The following AKR1C3 variants were observed in gnomAD, a reference collection of about 807,000 sequenced individuals.
AKR1C3 encodes aldo-keto reductase family 1 member C3, also known as 3-alpha hydroxysteroid dehydrogenase, type II.
AKR1C3 carries 48 observed loss-of-function variants against 43.6 expected under a neutral mutation model. The observed-to-expected ratio is 1.10, with a 90% CI of 0.87 to 1.40. The LOEUF (loss-of-function observed/expected upper bound fraction) is 1.40. Ranked by LOEUF, AKR1C3 falls within the 40% of genes most tolerant of loss-of-function variation. The pLI is 0.00. For missense variants in AKR1C3, 482 were observed against 391.2 expected (o/e 1.23, Z -1.96); for synonymous variants, 162 against 139.6 (o/e 1.16, Z -1.13).
upstream of AKR1C3, chr10:5,094,005 G>A (rs1272219267): frequency 6.6e-6 from 1 of 152,420 alleles, no homozygotes; most frequent in East Asian, 1.9e-4. Flanking sequence ...GTATGTGAGA[G>A]AAAGACGTAA....
At chr10:5,066,593 A>C (rs532372586) in intron 1 of AKR1C3, among the ~76,000 whole-genome samples, 10 of 152,306 alleles carry the variant, frequency 6.6e-5, no homozygotes, top group African/African-American at 2.4e-4. Context: ...GACTATTGGG[A>C]GCATAATACC....
chr10:5,057,497 A>G (rs1826693210), intron 1 of AKR1C3, among the ~76,000 whole-genome samples: 1 of 138,996 alleles, frequency 7.2e-6, no homozygotes. Context: ...ATCTTTTAGA[A>G]TCAATTGACC....
At chr10:5,086,229 C>G (rs1246413767) in intron 1 of AKR1C3, among the ~76,000 whole-genome samples, 4 of 151,592 alleles carry the variant, frequency 2.6e-5, no homozygotes, top group Non-Finnish European at 4.4e-5. Context: ...ATAAATTTCC[C>G]TCTACACATT....
At chr10:5,104,342 C>A (rs1839442317) in intron 7 of AKR1C3, among the ~76,000 whole-genome samples, 1 of 152,008 alleles carries the variant, frequency 6.6e-6, no homozygotes, top group African/African-American at 2.4e-5. Context: ...AAAGGTGCCA[C>A]CAACAATTAT....
intron 1 of AKR1C3, among the ~76,000 whole-genome samples, chr10:5,084,659 A>T (rs1554782743): frequency 6.6e-6 from 1 of 152,096 alleles, no homozygotes; most frequent in Non-Finnish European, 1.5e-5. Context: ...TCTATAAATT[A>T]CCTTGGGCAG....
chr10:5,098,116 A>G (rs533025643), intron 3 of AKR1C3: 597 of 986,912 alleles, frequency 6.0e-4, no homozygotes, highest in Non-Finnish European at 6.9e-4. Context: ...TTAAAGTTAC[A>G]GAAAACTACT....
At chr10:5,056,811 G>A (rs1838271457) in intron 1 of AKR1C3, among the ~76,000 whole-genome samples, 1 of 152,200 alleles carries the variant, frequency 6.6e-6, no homozygotes, top group African/African-American at 2.4e-5. Context: ...GGCATAACAA[G>A]AAAGGCATGT....
Position 5,102,082 on chromosome 10 carries a change from C to G in AKR1C3, c.571-19C>G, listed in dbSNP as rs1554786091. 2 of 1,468,788 alleles carry G rather than the reference C, an allele frequency of 1.4e-6. No homozygotes were observed. The highest frequency in any genetic ancestry group is 1.9e-6 in the Non-Finnish European group (2 of 1,052,324). 91.0% of individuals were successfully genotyped at this position (1,468,788 alleles called of 1,614,324 possible). ...CTATTTCATATAAATTGATGCTTCT[C>G]TCTTTTGGTCAACTGCAGGTAGAAT... is the stretch of plus-strand genomic sequence containing the variant. On this transcript the variant is annotated intron_variant, in intron 5 of 8. Transcript: ENST00000380554.
rs80053647 is a variant in AKR1C3 at position 5,086,034 on chromosome 10, T to A, written c.85-10376T>A. ...ATCTTTTCAAAAAACCAGCTCCTGG[T>A]TTCATTAATTTTTTGAAGGGTTTTT... On this transcript the variant is annotated intron_variant, in intron 1 of 8. Transcript: ENST00000439082. Among the ~76,000 whole-genome samples, 296 of 151,804 alleles carry A rather than the reference T, an allele frequency of 1.9e-3. 4 individuals are homozygous for A. Among genetic ancestry groups the A allele is most frequent in the East Asian group, 2.5e-3 (13 of 5,174 alleles).
chr10:5,081,196 A>G (rs551931725), intron 1 of AKR1C3, among the ~76,000 whole-genome samples: 3 of 152,326 alleles, frequency 2.0e-5, no homozygotes, highest in South Asian at 2.1e-4. Context: ...CTTGTAATAC[A>G]GGCTATAAGC....
At chr10:5,074,723 G>T (rs1282369861) in intron 1 of AKR1C3, among the ~76,000 whole-genome samples, 2 of 152,122 alleles carry the variant, frequency 1.3e-5, no homozygotes, top group Non-Finnish European at 2.9e-5. Flanking sequence ...GCTACAAGAT[G>T]AAAGGCTACC....
intron 1 of AKR1C3, chr10:5,081,934 C>G (rs1838846754): frequency 2.0e-5 from 3 of 152,220 alleles, no homozygotes; most frequent in Admixed American, 2.0e-4. Context: ...TTTCTAATAT[C>G]TCCAAGTTGC....
At chr10:5,080,422 A>G (rs1291762436) in intron 1 of AKR1C3, among the ~76,000 whole-genome samples, 4 of 152,152 alleles carry the variant, frequency 2.6e-5, no homozygotes, top group African/African-American at 7.2e-5. Context: ...CCAGGAGTTC[A>G]TGACCAGCCT....
At chr10:5,069,446 T>G (rs1323255525) in intron 1 of AKR1C3, among the ~76,000 whole-genome samples, 1 of 152,240 alleles carries the variant, frequency 6.6e-6, no homozygotes, top group Non-Finnish European at 1.5e-5. Flanking sequence ...TAGAATTTGA[T>G]AACTTCTGAA....
chr10:5,067,173 C>T (rs2131797839), intron 1 of AKR1C3, among the ~76,000 whole-genome samples: 1 of 151,006 alleles, frequency 6.6e-6, no homozygotes, highest in Non-Finnish European at 1.5e-5. Context: ...GCTGCAAATT[C>T]CTTAAACAAA....
intron 7 of AKR1C3, among the ~76,000 whole-genome samples, chr10:5,104,239 TATAAATTAGTTGTAAATTCAA>T (rs1211958284): frequency 6.6e-6 from 1 of 152,186 alleles, no homozygotes; most frequent in Non-Finnish European, 1.5e-5. Context: ...TCTCTTTACT[TATAAATTAGTTGTAAATTCAA>T]ATGAATTTCT....
At chr10:5,072,343 G>A (rs1018301666) in intron 1 of AKR1C3, among the ~76,000 whole-genome samples, 1 of 152,208 alleles carries the variant, frequency 6.6e-6, no homozygotes, top group Non-Finnish European at 1.5e-5. Flanking sequence ...TGAACTTCAA[G>A]TTTCTAGGCA....
At chr10:5,054,825 G>T (rs1428537962) in intron 1 of AKR1C3, among the ~76,000 whole-genome samples, 3 of 151,630 alleles carry the variant, frequency 2.0e-5, no homozygotes, top group African/African-American at 7.3e-5. Context: ...TTTCCTTTCT[G>T]CTGCCTCTGC....
chr10:5,053,553 G>T (rs1003925960), intron 1 of AKR1C3, among the ~76,000 whole-genome samples: 1 of 152,250 alleles, frequency 6.6e-6, no homozygotes, highest in Non-Finnish European at 1.5e-5. Flanking sequence ...CTCCCACAGT[G>T]CAGCAGTAGG....
Sources: gnomAD v4.1 joint callset for allele counts (sites outside exome capture counted in the v4.1 genomes callset) on GRCh38, gnomAD v4.1.1 for gene constraint, MANE v1.5 for transcripts, NCBI Gene and HGNC (gene_info 2026-07-23, HGNC 2026-07-21) for gene names.